PAPOLA: variants seen among roughly 807,000 people sequenced by gnomAD.
PAPOLA encodes the protein polynucleotide adenylyltransferase alpha.
Under a neutral mutation model 100.6 loss-of-function variants are expected in PAPOLA, and 15 were observed. The observed-to-expected ratio is 0.15, with a 90% CI of 0.10 to 0.23. The LOEUF is 0.23. Among genes scored for constraint, PAPOLA ranks in the 10% least tolerant of loss-of-function variants. PAPOLA has a pLI of 1.00. For synonymous variants in PAPOLA, 293 were observed against 300.0 expected, an observed-to-expected ratio of 0.98 and a Z score of 0.24; for missense variants, 533 against 884.2, an observed-to-expected ratio of 0.60 and a Z score of 5.04.
chr14:96,524,264 A>T (rs1010967567), intron 3 of PAPOLA, among the ~76,000 whole-genome samples: 1 of 152,140 alleles, frequency 6.6e-6, no homozygotes, highest in Admixed American at 6.5e-5. Flanking sequence ...GCCATTGAAT[A>T]CTAAACCGTA....
chr14:96,508,996 TG>T (rs1260358133), intron 1 of PAPOLA, among the ~76,000 whole-genome samples: 2 of 152,222 alleles, frequency 1.3e-5, no homozygotes, highest in East Asian at 3.8e-4. Flanking sequence ...CCATCTCCTG[TG>T]GACACTGTAG....
intron 1 of PAPOLA, among the ~76,000 whole-genome samples, chr14:96,505,978 A>G (rs1896687520): frequency 6.6e-6 from 1 of 151,976 alleles, no homozygotes; most frequent in Admixed American, 6.6e-5. Context: ...ATCTCGGCTC[A>G]CTGCAACCTC....
At chr14:96,513,245 T>G (rs1595500607) in intron 1 of PAPOLA, among the ~76,000 whole-genome samples, 1 of 152,094 alleles carries the variant, frequency 6.6e-6, no homozygotes, top group Admixed American at 6.6e-5. Flanking sequence ...ATTTTTAAAC[T>G]TTTTGTACAG....
intron 15 of PAPOLA, 79 bp from the exon 16 acceptor site, chr14:96,547,718 A>T: frequency 9.2e-7 from 1 of 1,084,682 alleles, no homozygotes; most frequent in Non-Finnish European, 1.3e-6. Context: ...ATCCCTACTT[A>T]GAATAGTTTC....
At position 96,516,381 on chromosome 14, in the gene PAPOLA, T is replaced by TCTTC. The variant is rs543569293; in HGVS notation, c.9-3667_9-3664dup. ...CCCTCCCTCATTCTCTCCCTCTCTT[T>TCTTC]CTTCCTTCCTCCCTCCCTCCCTCCC... On this transcript the variant is annotated intron_variant, in intron 1 of 21. Coordinates refer to ENST00000216277, the MANE Select transcript of PAPOLA (RefSeq NM_032632.5). 6.0e-5 allele frequency among the ~76,000 whole-genome samples: 9 copies of TCTTC among 151,256 alleles called. No individual in the cohort carries two copies. In the South Asian group the frequency reaches 1.9e-3, roughly 32 times the overall value.
At chr14:96,562,079 A>G (rs939164425) in intron 20 of PAPOLA, among the ~76,000 whole-genome samples, 1 of 151,966 alleles carries the variant, frequency 6.6e-6, no homozygotes, top group Non-Finnish European at 1.5e-5. Flanking sequence ...TTTTTAGTAG[A>G]GATGGGGTTT....
chr14:96,556,313 C>T lies in PAPOLA; in HGVS notation c.1904C>T (p.Ser635Leu), dbSNP rs1901322652. 1 of 1,613,942 alleles carries T rather than the reference C, an allele frequency of 6.2e-7. No individual in the cohort carries two copies. Residue 635 changes from serine to leucine, a missense_variant, in exon 19 of 22, where the codon TCA becomes TTA. Ser to Leu is a moderately radical substitution (Grantham distance 145). Transcript: ENST00000216277. ...AGATCTTCAGGAAATGCAGCAACTT[C>T]AGGAAATGCAGCAACAAAAATACCT... ...PPRSSGNAAT[S>L]GNAATKIPTP...
In PAPOLA at chr14:96,521,175, T is replaced by C. The variant is rs937348084; in HGVS notation, c.249+103T>C. 42 of 686,112 alleles carry C rather than the reference T, an allele frequency of 6.1e-5. No homozygotes were observed. The South Asian group carries it at 6.9e-4, about 11-fold the overall frequency. 42.5% of individuals were successfully genotyped at this position (686,112 alleles called of 1,614,324 possible). The stretch of plus-strand genomic sequence containing the variant: ...CTTATTTGAGTGGATTTGGAGTCTT[T>C]AATGTGGAGTCAATTTTAGACTATT... On this transcript the variant is annotated intron_variant, in intron 3 of 21. Coordinates refer to ENST00000216277, the MANE Select transcript of PAPOLA (RefSeq NM_032632.5).
chr14:96,555,741 A>C, intron 17 of PAPOLA, 106 bp from the exon 18 acceptor site: 2 of 551,120 alleles, frequency 3.6e-6, no homozygotes, highest in South Asian at 3.3e-5. Flanking sequence ...CCAAAGAATC[A>C]TTTACTTTAC....
chr14:96,520,479 G>A (rs145501121), intron 2 of PAPOLA, among the ~76,000 whole-genome samples: 8,372 of 152,100 alleles, frequency 0.055, 232 homozygotes, highest in Admixed American at 0.058. Context: ...GGGTTCAAGC[G>A]ATTCTCCTGC....
At chr14:96,528,562 A>T (rs908889698) in intron 6 of PAPOLA, among the ~76,000 whole-genome samples, 4 of 152,240 alleles carry the variant, frequency 2.6e-5, no homozygotes, top group African/African-American at 7.2e-5. Context: ...GGAAAGTCAC[A>T]GATAATAAAG....
chr14:96,551,308 A>G (rs1734366537), intron 16 of PAPOLA, among the ~76,000 whole-genome samples: 1 of 152,212 alleles, frequency 6.6e-6, no homozygotes, highest in South Asian at 2.1e-4. Flanking sequence ...TACTTACTGA[A>G]TAAATCCTCA....
At chr14:96,535,284 C>T (rs544672766) in intron 10 of PAPOLA, 243 of 982,082 alleles carry the variant, frequency 2.5e-4, no homozygotes, top group Admixed American at 3.1e-4. Flanking sequence ...TCAGGTTTTC[C>T]GAACCTCAAG....
At chr14:96,531,366 C>T in intron 6 of PAPOLA, 109 bp from the exon 7 acceptor site, 1 of 780,300 alleles carries the variant, frequency 1.3e-6, no homozygotes, top group Non-Finnish European at 2.1e-6. Flanking sequence ...AAGTGTTCCA[C>T]CTGCCTCAGC....
At chr14:96,543,009 A>G in intron 14 of PAPOLA, 116 bp downstream of exon 14, 3 of 1,012,560 alleles carry the variant, frequency 3.0e-6, no homozygotes, top group Non-Finnish European at 4.4e-6. Context: ...TATGGCTTAT[A>G]GACAATTTAG....
intron 1 of PAPOLA, among the ~76,000 whole-genome samples, chr14:96,504,925 G>A (rs1896607799): frequency 6.6e-6 from 1 of 152,126 alleles, no homozygotes; most frequent in Non-Finnish European, 1.5e-5. Flanking sequence ...GGATGGGTGA[G>A]TGGCATTGGG....
At chr14:96,527,193 G>T in intron 4 of PAPOLA, 1 of 456,790 alleles carries the variant, frequency 2.2e-6, no homozygotes, top group Non-Finnish European at 3.9e-6. Context: ...TCTTTCTTTG[G>T]GCTCCCAGTT....
At chr14:96,561,790 T>A (rs1011734470) in intron 20 of PAPOLA, among the ~76,000 whole-genome samples, 1 of 152,190 alleles carries the variant, frequency 6.6e-6, no homozygotes, top group Non-Finnish European at 1.5e-5. Flanking sequence ...TTACATCTTA[T>A]TTACCTTTTT....
At chr14:96,508,653 GTTT>G (rs1475700583) in intron 1 of PAPOLA, among the ~76,000 whole-genome samples, 1 of 152,182 alleles carries the variant, frequency 6.6e-6, no homozygotes, top group Non-Finnish European at 1.5e-5. Context: ...TTCATCTTCA[GTTT>G]TATCTAGGCA....
Sources: allele counts gnomAD v4.1 joint callset (sites outside exome capture counted in the v4.1 genomes callset), GRCh38; gene constraint gnomAD v4.1.1; transcripts MANE v1.5; gene names NCBI Gene and HGNC (gene_info 2026-07-23, HGNC 2026-07-21).